PPP2R1A: variants seen among roughly 807,000 people sequenced by gnomAD.
PPP2R1A encodes protein phosphatase 2 scaffold subunit Aalpha.
A neutral mutation model predicts 67.1 loss-of-function variants in PPP2R1A; 15 were observed. That is an observed-to-expected ratio of 0.22 (90% CI 0.15 to 0.34). The LOEUF is 0.34. PPP2R1A is among the 10% of genes least tolerant of loss of function. PPP2R1A has a pLI of 1.00. For missense variants in PPP2R1A, 369 were observed against 775.0 expected, an observed-to-expected ratio of 0.48 and a Z score of 6.22; for synonymous variants, 337 against 325.0, an observed-to-expected ratio of 1.04 and a Z score of -0.40.
At chr19:52,197,575 T>C (rs1384965970) in intron 1 of PPP2R1A, among the ~76,000 whole-genome samples, 3 of 152,106 alleles carry the variant, frequency 2.0e-5, no homozygotes, top group Non-Finnish European at 4.4e-5. Flanking sequence ...CTTGGGTAGC[T>C]GAGGCGGGAG....
chr19:52,206,126 C>T (rs1039373333), intron 3 of PPP2R1A, 63 bp downstream of exon 3: 3 of 1,462,906 alleles, frequency 2.1e-6, no homozygotes, highest in Non-Finnish European at 2.9e-6. Context: ...TCCTGCCGGC[C>T]TAGGGCAGGG....
intron 1 of PPP2R1A, among the ~76,000 whole-genome samples, chr19:52,191,707 C>T (rs542108798): frequency 1.3e-5 from 2 of 152,176 alleles, no homozygotes; most frequent in South Asian, 4.2e-4. Context: ...GTTCATAGGG[C>T]GGTTGTATGA....
At position 52,227,108 on chromosome 19, in the gene PPP2R1A, G is replaced by C. The variant is rs1979311366; in HGVS notation, c.*1127G>C. On this transcript the variant is annotated 3_prime_UTR_variant, in exon 15 of 15. Coordinates refer to ENST00000322088, the MANE Select transcript of PPP2R1A (RefSeq NM_014225.6). ...TTTTTAACTGGGCAGATGACTACAT[G>C]GATTCAAGGTATTTTCCTAGTGTCT... The C allele has an allele frequency of 6.6e-6, 1 of 152,126 alleles. No homozygotes were observed. The highest frequency in any genetic ancestry group is 1.5e-5 in the Non-Finnish European group (1 of 68,034). The allele number at this position is 152,126 out of a possible 1,614,324, so 9.4% of individuals were successfully genotyped here. A position where few individuals can be genotyped will look rare whatever the true frequency, so the allele number is the denominator to read the frequency against.
intron 13 of PPP2R1A, 33 bp downstream of exon 13, chr19:52,222,274 G>T (rs1327005617): frequency 6.3e-7 from 1 of 1,599,236 alleles, no homozygotes; most frequent in East Asian, 2.3e-5. Flanking sequence ...CACACTGGCA[G>T]GGGCTTCTTG....
Position 52,213,740 on chromosome 19 carries a change from T to A in PPP2R1A, c.807+630T>A, listed in dbSNP as rs1372337801. On this transcript the variant is annotated intron_variant, in intron 6 of 14. Transcript: ENST00000322088. The surrounding 1 kb of genome is among the most constrained non-coding windows in gnomAD (Gnocchi z 4.2). Reference sequence around the variant, plus strand: ...ACCTCAAGCGATCCGCCTGCCTTCATCTCCCAAAGTGCTGGGATTACAGGT... The same window carrying A: ...ACCTCAAGCGATCCGCCTGCCTTCAACTCCCAAAGTGCTGGGATTACAGGT... 1.3e-5 allele frequency among the ~76,000 whole-genome samples: 2 copies of A among 151,868 alleles called. No homozygotes were observed. Among genetic ancestry groups the A allele is most frequent in the Admixed American group, 6.6e-5 (1 of 15,232 alleles).
chr19:52,202,991 A>G (rs1025231993), intron 2 of PPP2R1A, among the ~76,000 whole-genome samples: 3 of 152,228 alleles, frequency 2.0e-5, no homozygotes, highest in Non-Finnish European at 4.4e-5. Flanking sequence ...TTAATAGTAA[A>G]TTCTCTGTTA....
chr19:52,226,348 T>C lies in PPP2R1A; in HGVS notation c.*367T>C. 1 of 380,090 alleles carries C rather than the reference T, an allele frequency of 2.6e-6. No homozygotes were observed. Among genetic ancestry groups the C allele is most frequent in the South Asian group, 6.8e-5 (1 of 14,788 alleles). 23.5% of individuals were successfully genotyped at this position (380,090 alleles called of 1,614,324 possible). A position where few individuals can be genotyped will look rare whatever the true frequency, so the allele number is the denominator to read the frequency against. ...CCCATCATTGGTTTTTTTTTGTGTGTCAACTGTGCCGTTTTTATTTTATTC... is the reference window on the plus strand; with the variant it reads ...CCCATCATTGGTTTTTTTTTGTGTGCCAACTGTGCCGTTTTTATTTTATTC... On this transcript the variant is annotated 3_prime_UTR_variant, in exon 15 of 15. Coordinates refer to ENST00000322088, the MANE Select transcript of PPP2R1A (RefSeq NM_014225.6).
Position 52,216,225 on chromosome 19 carries a change from T to C in PPP2R1A, c.993+151T>C, listed in dbSNP as rs1348530894. 1.2e-6 allele frequency: 1 copy of C among 862,336 alleles called. No individual in the cohort carries two copies. The highest frequency in any genetic ancestry group is 1.8e-6 in the Non-Finnish European group (1 of 559,898). 53.4% of individuals were successfully genotyped at this position (862,336 alleles called of 1,614,324 possible). Reference sequence around the variant, plus strand: ...TTGGGTTTCAAGCAGTTAGGGGTCCTGACTGCAGCTTGAGGCTGACCTTAA... The same window carrying C: ...TTGGGTTTCAAGCAGTTAGGGGTCCCGACTGCAGCTTGAGGCTGACCTTAA... On this transcript the variant is annotated intron_variant, in intron 8 of 14. Coordinates refer to ENST00000322088, the MANE Select transcript of PPP2R1A (RefSeq NM_014225.6). This position sits in a 1 kb window ranked among gnomAD's most constrained non-coding sequence, Gnocchi z 4.3.
chr19:52,202,270 GCAGCTCCAA>G (rs55851543), intron 2 of PPP2R1A, among the ~76,000 whole-genome samples: 27,619 of 152,082 alleles, frequency 0.18, 2,559 homozygotes, highest in Non-Finnish European at 0.21. Flanking sequence ...GGTTTGAGTT[GCAGCTCCAA>G]CAGTTGGAAG....
rs1978980823 is a variant in PPP2R1A at position 52,222,206 on chromosome 19, G to A, written c.1626G>A (p.Lys542=). The A allele has an allele frequency of 6.2e-7, 1 of 1,614,086 alleles. No homozygotes were observed. Among genetic ancestry groups the A allele is most frequent in the Admixed American group, 1.7e-5 (1 of 60,000 alleles). Residue 542 remains lysine (K), a synonymous_variant, in exon 13 of 15, where the codon AAG becomes AAA. Coordinates refer to ENST00000322088, the MANE Select transcript of PPP2R1A (RefSeq NM_014225.6). The part of the protein sequence containing the change: ...PVANVRFNVA[K]SLQKIGPILD... ...CCAATGTCCGCTTCAATGTGGCCAA[G>A]TCTCTGCAGAAGATAGGGCCCATCC...
chr19:52,216,499 A>AC lies in PPP2R1A; in HGVS notation c.994-26dup. The AC allele has an allele frequency of 2.5e-6, 4 of 1,613,768 alleles. No individual in the cohort carries two copies. Among genetic ancestry groups the AC allele is most frequent in the Admixed American group, 1.7e-5 (1 of 59,988 alleles). ...ACTTGCTGCTGCAGGGGTTGCACTG[A>AC]CCCCTGTGCCTGCCTCTTCTCTCTC... On this transcript the variant is annotated intron_variant, in intron 8 of 14. Transcript: ENST00000322088. The surrounding 1 kb of genome is among the most constrained non-coding windows in gnomAD (Gnocchi z 4.3).
rs1212594376 is a variant in PPP2R1A at position 52,216,516 on chromosome 19, TTC to T, written c.994-6_994-5del. ...TTGCACTGACCCCTGTGCCTGCCTC[TTC>T]TCTCTCCCAGGAGCTGGTGTCCGAT... is the stretch of plus-strand genomic sequence containing the variant. On this transcript the variant is annotated splice_polypyrimidine_tract_variant and intron_variant, in intron 8 of 14. Coordinates refer to ENST00000322088, the MANE Select transcript of PPP2R1A (RefSeq NM_014225.6). This position sits in a 1 kb window ranked among gnomAD's most constrained non-coding sequence, Gnocchi z 4.3. The T allele has an allele frequency of 1.9e-6, 3 of 1,614,034 alleles. No homozygotes were observed. Among genetic ancestry groups the T allele is most frequent in the African/African-American group, 2.7e-5 (2 of 74,918 alleles).
At chr19:52,223,326 T>C (rs561438769) in intron 13 of PPP2R1A, among the ~76,000 whole-genome samples, 19 of 152,326 alleles carry the variant, frequency 1.2e-4, no homozygotes, top group African/African-American at 4.3e-4. Context: ...TAGGAAAATA[T>C]CTTCTTGAGT....
chr19:52,227,769 C>T lies in PPP2R1A; in HGVS notation c.*1788C>T, dbSNP rs1227732432. The stretch of plus-strand genomic sequence containing the variant: ...TTATGCCCTGGGCGATAAACTCTCT[C>T]CCAGTTGAGAACTACTGCTCTAGAA... On this transcript the variant is annotated 3_prime_UTR_variant, in exon 15 of 15. Coordinates refer to ENST00000322088, the MANE Select transcript of PPP2R1A (RefSeq NM_014225.6). 1 of 152,174 alleles carries T rather than the reference C, an allele frequency of 6.6e-6. No individual in the cohort carries two copies. Among genetic ancestry groups the T allele is most frequent in the Non-Finnish European group, 1.5e-5 (1 of 68,032 alleles). The allele number at this position is 152,174 out of a possible 1,614,324, so 9.4% of individuals were successfully genotyped here. A position where few individuals can be genotyped will look rare whatever the true frequency, so the allele number is the denominator to read the frequency against.
chr19:52,221,875 C>T (rs1052247452), intron 12 of PPP2R1A: 7 of 476,122 alleles, frequency 1.5e-5, no homozygotes, highest in African/African-American at 1.0e-4. Context: ...TAATTAAGGT[C>T]GATCTCCAGA....
At chr19:52,197,826 T>C (rs2089510067) in intron 1 of PPP2R1A, among the ~76,000 whole-genome samples, 1 of 152,172 alleles carries the variant, frequency 6.6e-6, no homozygotes, top group Non-Finnish European at 1.5e-5. Flanking sequence ...GTTCTCTGCC[T>C]CAAGACGGGG....
rs535481595 is a variant in PPP2R1A, at chr19:52,218,847, A to T, written c.1129-844A>T. On this transcript the variant is annotated intron_variant, in intron 9 of 14. Transcript: ENST00000322088. ...TCCAGTTTCACCTTCAGCAAGCGCT[A>T]TATGGTAATCGTGTGCTGGCAGCCA... Among the ~76,000 whole-genome samples the T allele has an allele frequency of 7.9e-5, 12 of 152,302 alleles. No individual in the cohort carries two copies. The East Asian group carries it at 2.3e-3, about 29-fold the overall frequency.
At chr19:52,202,963 A>G (rs2089566609) in intron 2 of PPP2R1A, among the ~76,000 whole-genome samples, 1 of 152,242 alleles carries the variant, frequency 6.6e-6, no homozygotes. Context: ...ACACTGTCTG[A>G]CACAGACTGG....
At position 52,212,473 on chromosome 19, in the gene PPP2R1A, A is replaced by T. The variant is rs959419883; in HGVS notation, c.504-213A>T. ...TTATGCGCAATCTGCGAAGTGTCTC[A>T]CACACACTATTTTCATTTAAACCTC... On this transcript the variant is annotated intron_variant, in intron 4 of 14. Coordinates refer to ENST00000322088, the MANE Select transcript of PPP2R1A (RefSeq NM_014225.6). This position sits in a 1 kb window ranked among gnomAD's most constrained non-coding sequence, Gnocchi z 4.1. 2 of 590,202 alleles carry T rather than the reference A, an allele frequency of 3.4e-6. No homozygotes were observed. The highest frequency in any genetic ancestry group is 2.0e-5 in the South Asian group (1 of 48,784). 36.6% of individuals were successfully genotyped at this position (590,202 alleles called of 1,614,324 possible).
Sources: allele counts gnomAD v4.1 joint callset (sites outside exome capture counted in the v4.1 genomes callset), GRCh38; gene constraint gnomAD v4.1.1; non-coding constraint Gnocchi (gnomAD v3.1); transcripts MANE v1.5; gene names NCBI Gene and HGNC (gene_info 2026-07-23, HGNC 2026-07-21).